PRKG1: variants seen among roughly 807,000 people sequenced by gnomAD.
The protein encoded by PRKG1 is cGMP-dependent protein kinase 1.
PRKG1 carries 35 observed loss-of-function variants against 88.1 expected under a neutral mutation model. The observed-to-expected ratio is 0.40, with a 90% CI of 0.30 to 0.53. The LOEUF (loss-of-function observed/expected upper bound fraction) is 0.53. PRKG1 is among the 20% of genes least tolerant of loss of function. PRKG1 has a pLI of 0.59. For missense variants in PRKG1, 540 were observed against 839.8 expected, an observed-to-expected ratio of 0.64 and a Z score of 4.41; for synonymous variants, 303 against 292.5, an observed-to-expected ratio of 1.04 and a Z score of -0.37.
intron 3 of PRKG1, among the ~76,000 whole-genome samples, chr10:51,632,744 T>C (rs1380111708): frequency 6.6e-6 from 1 of 152,156 alleles, no homozygotes; most frequent in African/African-American, 2.4e-5. Context: ...GGGCCAGTTG[T>C]TTTATGTAAG....
upstream of PRKG1, chr10:51,074,426 C>G: frequency 1.4e-6 from 2 of 1,444,956 alleles, no homozygotes; most frequent in East Asian, 2.5e-5. Flanking sequence ...TGGCTGGAGC[C>G]GGCGGACTGG....
intron 5 of PRKG1, among the ~76,000 whole-genome samples, chr10:52,005,788 A>C (rs1389492551): frequency 1.3e-5 from 2 of 152,124 alleles, no homozygotes; most frequent in African/African-American, 4.8e-5. Context: ...TGAGCCATAC[A>C]TGCTGGAGGT....
chr10:52,096,378 AC>A (rs1302565970), intron 7 of PRKG1, among the ~76,000 whole-genome samples: 1 of 152,038 alleles, frequency 6.6e-6, no homozygotes, highest in African/African-American at 2.4e-5. Flanking sequence ...TAGGGAACAT[AC>A]CCTCCCATTT....
chr10:51,595,221 G>A (rs1838414059), intron 3 of PRKG1, among the ~76,000 whole-genome samples: 1 of 152,170 alleles, frequency 6.6e-6, no homozygotes, highest in Non-Finnish European at 1.5e-5. Flanking sequence ...AGTAGAGCAT[G>A]CCTGTAGTCC....
intron 1 of PRKG1, among the ~76,000 whole-genome samples, chr10:51,106,818 C>G (rs1453940884): frequency 6.6e-6 from 1 of 152,198 alleles, no homozygotes; most frequent in Non-Finnish European, 1.5e-5. Flanking sequence ...CCTGGACATT[C>G]ATTCATTCAT....
chr10:51,655,125 G>A (rs984236721), intron 3 of PRKG1, among the ~76,000 whole-genome samples: 2 of 152,178 alleles, frequency 1.3e-5, no homozygotes, highest in African/African-American at 4.8e-5. Context: ...CACATGCCCA[G>A]TATCTAAACT....
intron 9 of PRKG1, among the ~76,000 whole-genome samples, chr10:52,215,860 CT>C (rs1840096867): frequency 6.6e-6 from 1 of 152,140 alleles, no homozygotes; most frequent in African/African-American, 2.4e-5. Context: ...AATTGAATAT[CT>C]TAAGCATAGA....
In PRKG1 at chr10:51,655,147, G is replaced by T. The variant is rs191175822; in HGVS notation, c.593-149438G>T. Among the ~76,000 whole-genome samples, 6 of 152,170 alleles carry T rather than the reference G, an allele frequency of 3.9e-5. No individual in the cohort carries two copies. The East Asian group carries it at 1.2e-3, about 29-fold the overall frequency. ...CCAGTATCTAAACTAAATCAAGGAGGGCTTAATTGAAATTAGGCAGTGAGC... is the reference window on the plus strand; with the variant it reads ...CCAGTATCTAAACTAAATCAAGGAGTGCTTAATTGAAATTAGGCAGTGAGC... On this transcript the variant is annotated intron_variant, in intron 3 of 17. Coordinates refer to ENST00000373980, the MANE Select transcript of PRKG1 (RefSeq NM_006258.4).
At chr10:51,543,057 C>T in intron 3 of PRKG1, among the ~76,000 whole-genome samples, 1 of 152,174 alleles carries the variant, frequency 6.6e-6, no homozygotes, top group East Asian at 1.9e-4. Context: ...TGTATTACTA[C>T]ACTGTGCGGG....
At chr10:52,233,783 C>A (rs921542810) in intron 9 of PRKG1, among the ~76,000 whole-genome samples, 7 of 151,360 alleles carry the variant, frequency 4.6e-5, no homozygotes, top group Non-Finnish European at 8.9e-5. Flanking sequence ...ACAAAGCAGC[C>A]GGGAAGCTCG....
intron 2 of PRKG1, among the ~76,000 whole-genome samples, chr10:51,465,097 G>A (rs1030835167): frequency 2.0e-5 from 3 of 152,130 alleles, no homozygotes; most frequent in African/African-American, 7.2e-5. Context: ...GAAAGAAGTG[G>A]CAGTACAACT....
At chr10:51,730,544 T>C (rs545081536) in intron 3 of PRKG1, among the ~76,000 whole-genome samples, 45 of 152,222 alleles carry the variant, frequency 3.0e-4, no homozygotes, top group African/African-American at 9.6e-4. Flanking sequence ...TAAGCGTACT[T>C]TGTAGAAACT....
intron 7 of PRKG1, among the ~76,000 whole-genome samples, chr10:52,074,869 A>G (rs1216499174): frequency 6.6e-6 from 1 of 152,214 alleles, no homozygotes. Context: ...TTAAGACTGT[A>G]TCGCATAAAA....
chr10:52,039,399 G>A (rs1027302590), intron 5 of PRKG1, among the ~76,000 whole-genome samples: 17 of 152,076 alleles, frequency 1.1e-4, no homozygotes, highest in African/African-American at 1.7e-4. Flanking sequence ...CTTAAGGCAA[G>A]GACTGGCCAT....
In PRKG1 at chr10:51,129,727, A is replaced by C. The variant is rs143240808; in HGVS notation, c.312-23437A>C. On this transcript the variant is annotated intron_variant, in intron 1 of 17. Transcript: ENST00000373980. ...TTTAGTTTCCTAGCAAGGCAGTTGG[A>C]AAGCATTGAATTTGATGCCTTTTGG... Among the ~76,000 whole-genome samples the C allele has an allele frequency of 2.1e-3, 324 of 152,332 alleles. 1 individual carries two copies. The highest frequency in any genetic ancestry group is 7.3e-3 in the African/African-American group (304 of 41,582).
chr10:51,437,746 G>T (rs904598527), intron 2 of PRKG1, among the ~76,000 whole-genome samples: 11 of 151,108 alleles, frequency 7.3e-5, no homozygotes, highest in African/African-American at 2.7e-4. Context: ...CTAAATCAGT[G>T]GTTCTTAAAC....
intron 8 of PRKG1, among the ~76,000 whole-genome samples, chr10:52,138,270 G>A (rs1564485908): frequency 6.6e-6 from 1 of 151,960 alleles, no homozygotes; most frequent in African/African-American, 2.4e-5. Context: ...CAAAAACCGG[G>A]ACTATTGTCC....
At chr10:51,424,457 T>C (rs1838514501) in intron 2 of PRKG1, among the ~76,000 whole-genome samples, 1 of 152,170 alleles carries the variant, frequency 6.6e-6, no homozygotes, top group Admixed American at 6.5e-5. Flanking sequence ...TATGGCGTTA[T>C]AATCTTAATA....
intron 1 of PRKG1, among the ~76,000 whole-genome samples, chr10:51,091,204 A>T (rs1844389749): frequency 6.6e-6 from 1 of 152,226 alleles, no homozygotes; most frequent in African/African-American, 2.4e-5. Context: ...TACAAGAAAG[A>T]TTATTTTTAA....
Sources: gnomAD v4.1 joint callset for allele counts (sites outside exome capture counted in the v4.1 genomes callset) on GRCh38, gnomAD v4.1.1 for gene constraint, MANE v1.5 for transcripts, NCBI Gene and HGNC (gene_info 2026-07-23, HGNC 2026-07-21) for gene names.